Variants in DDX10 observed in about 807,000 individuals in gnomAD.
DDX10 encodes DEAD-box helicase 10.
In DDX10, 74 loss-of-function variants were observed where a neutral mutation model predicts 104.3. That is an observed-to-expected ratio of 0.71 (90% CI 0.59 to 0.86). The LOEUF is 0.86. DDX10 is among the 40% of genes least tolerant of loss of function. DDX10 has a pLI of 0.00. For missense variants in DDX10, 952 were observed against 1,040.0 expected (o/e 0.92, Z 1.16); for synonymous variants, 351 against 353.4 (o/e 0.99, Z 0.08).
chr11:108,736,048 T>A (rs143875439), intron 13 of DDX10, among the ~76,000 whole-genome samples: 7 of 152,298 alleles, frequency 4.6e-5, no homozygotes, highest in Non-Finnish European at 1.0e-4. Context: ...CCGTCTTTGC[T>A]GAAGGGTTAA....
intron 15 of DDX10, among the ~76,000 whole-genome samples, chr11:108,849,911 T>G (rs1862768698): frequency 6.6e-6 from 1 of 152,114 alleles, no homozygotes; most frequent in African/African-American, 2.4e-5. Flanking sequence ...AAAATTATTT[T>G]TTTCCTACTC....
intron 13 of DDX10, among the ~76,000 whole-genome samples, chr11:108,743,369 A>G (rs192853864): frequency 1.3e-5 from 2 of 152,302 alleles, no homozygotes; most frequent in East Asian, 3.9e-4. Context: ...CATTGAAGGA[A>G]TAAACGTCAA....
chr11:108,716,157 A>G (rs1591799356), intron 11 of DDX10, among the ~76,000 whole-genome samples, 191 bp downstream of exon 11: 1 of 151,880 alleles, frequency 6.6e-6, no homozygotes, highest in African/African-American at 2.4e-5. Context: ...GTGCAGTGGC[A>G]TGATCTCAGC....
intron 9 of DDX10, among the ~76,000 whole-genome samples, chr11:108,693,893 G>A (rs975954743): frequency 6.6e-6 from 1 of 152,162 alleles, no homozygotes; most frequent in African/African-American, 2.4e-5. Context: ...GTTAGGTCTA[G>A]GACTGCAGTA....
intron 13 of DDX10, among the ~76,000 whole-genome samples, chr11:108,803,862 T>C (rs956286349): frequency 6.6e-6 from 1 of 152,206 alleles, no homozygotes; most frequent in Non-Finnish European, 1.5e-5. Flanking sequence ...GTACCTTTAG[T>C]TGCCTCTGGA....
At chr11:108,798,676 A>G (rs1341546582) in intron 13 of DDX10, among the ~76,000 whole-genome samples, 1 of 151,734 alleles carries the variant, frequency 6.6e-6, no homozygotes, top group Non-Finnish European at 1.5e-5. Flanking sequence ...GTTTGTTTTT[A>G]TTTTTTGTTT....
chr11:108,826,973 TA>T (rs1229226150), intron 13 of DDX10, among the ~76,000 whole-genome samples: 1 of 152,230 alleles, frequency 6.6e-6, no homozygotes, highest in East Asian at 1.9e-4. Context: ...ATTATGATGC[TA>T]CAATCTTCTA....
At chr11:108,716,461 C>T (rs547521665) in intron 11 of DDX10, among the ~76,000 whole-genome samples, 5 of 152,130 alleles carry the variant, frequency 3.3e-5, no homozygotes, top group Admixed American at 1.3e-4. Flanking sequence ...GAAAAATCAT[C>T]GTAAGTTTTT....
chr11:108,699,492 G>A (rs1257375911), intron 9 of DDX10, among the ~76,000 whole-genome samples: 3 of 152,158 alleles, frequency 2.0e-5, no homozygotes, highest in Non-Finnish European at 4.4e-5. Context: ...TTGGTCAGAG[G>A]CATCTCTCAG....
chr11:108,867,430 A>G (rs1863021173), intron 16 of DDX10, among the ~76,000 whole-genome samples: 2 of 152,174 alleles, frequency 1.3e-5, no homozygotes, highest in African/African-American at 4.8e-5. Context: ...TGGTTGTTCA[A>G]TTTAGGCCAA....
At chr11:108,925,966 G>A (rs1010140649) in intron 17 of DDX10, among the ~76,000 whole-genome samples, 1 of 152,108 alleles carries the variant, frequency 6.6e-6, no homozygotes, top group Non-Finnish European at 1.5e-5. Flanking sequence ...CAGATAGCTG[G>A]AACATTAGGG....
intron 6 of DDX10, among the ~76,000 whole-genome samples, chr11:108,687,511 A>G (rs1001951089): frequency 1.2e-4 from 19 of 152,036 alleles, no homozygotes; most frequent in East Asian, 3.9e-4. Flanking sequence ...GGGTTTCACC[A>G]TGTTGCCCAG....
In DDX10 at chr11:108,777,757, C is replaced by A. The variant is rs182261152; in HGVS notation, c.1965+54295C>A. ...TAGGAAAGGAGGAAGTCAAATTGTC[C>A]CTGTTTGCGGATGACATGATTGTAT... is the stretch of plus-strand genomic sequence containing the variant. On this transcript the variant is annotated intron_variant, in intron 13 of 17. Transcript: ENST00000322536. Among the ~76,000 whole-genome samples the A allele has an allele frequency of 1.3e-4, 20 of 152,254 alleles. 1 individual carries two copies. The highest frequency in any genetic ancestry group is 1.2e-3 in the Admixed American group (19 of 15,290).
intron 13 of DDX10, among the ~76,000 whole-genome samples, chr11:108,724,140 T>C (rs2134477589): frequency 6.6e-6 from 1 of 152,224 alleles, no homozygotes; most frequent in Non-Finnish European, 1.5e-5. Context: ...TGATCATCTT[T>C]TTAAAAGGGA....
intron 16 of DDX10, among the ~76,000 whole-genome samples, chr11:108,902,071 C>A (rs912373196): frequency 6.6e-6 from 1 of 152,090 alleles, no homozygotes; most frequent in Non-Finnish European, 1.5e-5. Flanking sequence ...TGTCAGATTT[C>A]TTAGTCTGTC....
intron 2 of DDX10, among the ~76,000 whole-genome samples, chr11:108,673,986 A>G (rs536155281): frequency 6.6e-6 from 1 of 152,314 alleles, no homozygotes; most frequent in Non-Finnish European, 1.5e-5. Context: ...TGGCTTGTGG[A>G]TGGCTGCCCT....
At chr11:108,779,692 TAAATA>T (rs1397908369) in intron 13 of DDX10, among the ~76,000 whole-genome samples, 1 of 152,108 alleles carries the variant, frequency 6.6e-6, no homozygotes, top group African/African-American at 2.4e-5. Flanking sequence ...ATAATAAAAA[TAAATA>T]AAATTATTTA....
chr11:108,801,048 T>A (rs1565282727), intron 13 of DDX10, among the ~76,000 whole-genome samples: 1 of 152,216 alleles, frequency 6.6e-6, no homozygotes, highest in Non-Finnish European at 1.5e-5. Flanking sequence ...AATTGCCTCA[T>A]TCTCAGACTC....
At chr11:108,757,933 A>G (rs988365259) in intron 13 of DDX10, among the ~76,000 whole-genome samples, 11 of 151,852 alleles carry the variant, frequency 7.2e-5, no homozygotes, top group Non-Finnish European at 1.5e-4. Context: ...TTTCCACTTC[A>G]TTGACCTGGC....
Sources: allele counts gnomAD v4.1 joint callset (sites outside exome capture counted in the v4.1 genomes callset), GRCh38; gene constraint gnomAD v4.1.1; transcripts MANE v1.5; gene names NCBI Gene and HGNC (gene_info 2026-07-23, HGNC 2026-07-21).